The following SEPTIN3 variants were observed in gnomAD, a reference collection of about 807,000 sequenced individuals.
SEPTIN3 encodes the protein septin 3, also known as neuronal-specific septin-3.
A neutral mutation model predicts 45.1 loss-of-function variants in SEPTIN3; 15 were observed. That is an observed-to-expected ratio of 0.33 (90% CI 0.22 to 0.51). SEPTIN3 has a LOEUF of 0.51. Ranked by LOEUF, SEPTIN3 falls within the 20% of genes least tolerant of loss-of-function variation. The pLI is 0.97. For missense variants in SEPTIN3, 289 were observed against 457.2 expected (o/e 0.63, Z 3.35); for synonymous variants, 148 against 164.8 (o/e 0.90, Z 0.78).
chr22:41,981,408 C>T (rs764414341), intron 2 of SEPTIN3: 6 of 465,234 alleles, frequency 1.3e-5, no homozygotes, highest in African/African-American at 1.9e-5. Flanking sequence ...AACCAGAGAA[C>T]CTGGCACTGG....
rs2077973980 is a variant in SEPTIN3 at position 41,972,974 on chromosome 22, G to A, written c.1482G>A (p.Leu494=). ...ACAGAGCCACAGAGCCTGCCTCACT[G>A]GACCTGGCCACAGAATACAAAGGTA... The part of the protein sequence containing the change: ...AMDRATEPAS[L]DLATEYKGLP... Residue 494 remains leucine (L), a synonymous_variant, in exon 2 of 12, where the codon CTG becomes CTA. Transcript: ENST00000644076. 2 of 398,954 alleles carry A rather than the reference G, an allele frequency of 5.0e-6. No homozygotes were observed. Among genetic ancestry groups the A allele is most frequent in the Non-Finnish European group, 4.4e-6 (1 of 226,166 alleles). 24.7% of individuals were successfully genotyped at this position (398,954 alleles called of 1,614,324 possible). A position where few individuals can be genotyped will look rare whatever the true frequency, so the allele number is the denominator to read the frequency against.
chr22:41,993,522 A>G (rs1158738568), intron 9 of SEPTIN3, among the ~76,000 whole-genome samples: 1 of 151,984 alleles, frequency 6.6e-6, no homozygotes, highest in African/African-American at 2.4e-5. Flanking sequence ...AGCCCAGCTA[A>G]TTTTTGTATT....
chr22:41,993,556 A>G (rs1909396964), intron 9 of SEPTIN3, among the ~76,000 whole-genome samples: 1 of 152,112 alleles, frequency 6.6e-6, no homozygotes, highest in Non-Finnish European at 1.5e-5. Context: ...GAGTTTTGTC[A>G]TGTTGGTCAG....
chr22:41,988,512 A>T (rs1265389765), intron 6 of SEPTIN3, among the ~76,000 whole-genome samples: 4 of 152,072 alleles, frequency 2.6e-5, no homozygotes, highest in African/African-American at 7.2e-5. Flanking sequence ...TAAGCCCCAA[A>T]TTTTCTAGGA....
chr22:41,970,050 T>C (rs1194304594), intron 1 of SEPTIN3, among the ~76,000 whole-genome samples: 4 of 151,870 alleles, frequency 2.6e-5, no homozygotes, highest in Non-Finnish European at 5.9e-5. Context: ...TGAGGGGTGA[T>C]GCCTTCCCTG....
rs2078026424 is a variant in SEPTIN3 at position 41,976,703 on chromosome 22, G to T, written c.1504+3707G>T. 1 of 152,770 alleles carries T rather than the reference G, an allele frequency of 6.5e-6. No individual in the cohort carries two copies. The highest frequency in any genetic ancestry group is 1.8e-4 in the South Asian group (1 of 5,546). 9.5% of individuals were successfully genotyped at this position (152,770 alleles called of 1,614,324 possible). On this transcript the variant is annotated intron_variant, in intron 2 of 11. Coordinates refer to ENST00000644076, the MANE Select transcript of SEPTIN3 (RefSeq NM_001363845.2). The surrounding 1 kb of genome is among the most constrained non-coding windows in gnomAD (Gnocchi z 5.8). ...TGGACCGCCCGCAGCGTGGACCCGG[G>T]ACCAGTTCCCGCTTGCGGGCGCGGG...
chr22:41,994,402 A>C lies in SEPTIN3; in HGVS notation c.2411+61A>C. Reference sequence around the variant, plus strand: ...GTTGAATTATTTGGGGTCAGGGTCTATCTGTTCAGATTCACCTCCTGCATC... The same window carrying C: ...GTTGAATTATTTGGGGTCAGGGTCTCTCTGTTCAGATTCACCTCCTGCATC... On this transcript the variant is annotated intron_variant, in intron 10 of 11. Coordinates refer to ENST00000644076, the MANE Select transcript of SEPTIN3 (RefSeq NM_001363845.2). The surrounding 1 kb of genome is among the most constrained non-coding windows in gnomAD (Gnocchi z 4.2). 2 of 1,572,934 alleles carry C rather than the reference A, an allele frequency of 1.3e-6. No individual in the cohort carries two copies. Among genetic ancestry groups the C allele is most frequent in the Non-Finnish European group, 1.7e-6 (2 of 1,143,840 alleles).
chr22:41,969,722 G>A (rs1458235649), intron 1 of SEPTIN3, 45 bp downstream of exon 1: 1 of 147,608 alleles, frequency 6.8e-6, no homozygotes, highest in Non-Finnish European at 1.5e-5. Context: ...TTGTGGGGGT[G>A]GGAGGGTGGT....
At chr22:41,977,085 C>G (rs370813666) in intron 2 of SEPTIN3, 4 of 1,596,380 alleles carry the variant, frequency 2.5e-6, no homozygotes, top group African/African-American at 1.4e-5. Flanking sequence ...GTAGGGCGGC[C>G]GGCCAGGCCA....
chr22:41,991,725 G>A (rs1035991238), intron 8 of SEPTIN3, 57 bp downstream of exon 8: 3 of 1,149,502 alleles, frequency 2.6e-6, no homozygotes, highest in African/African-American at 3.0e-5. Context: ...TCTGGGATGT[G>A]TATTGTGCAC....
Position 41,995,456 on chromosome 22 carries a change from G to A in SEPTIN3, c.2505+742G>A, listed in dbSNP as rs943925479. 14 of 985,432 alleles carry A rather than the reference G, an allele frequency of 1.4e-5. No homozygotes were observed. The South Asian group carries it at 5.6e-4, about 40-fold the overall frequency. 61.0% of individuals were successfully genotyped at this position (985,432 alleles called of 1,614,324 possible). Reference sequence around the variant, plus strand: ...GCTGCTCTCCACTCAACTGGCCTCTGCTGCCAGGCCACTGCCTGTCTCTGC... The same window carrying A: ...GCTGCTCTCCACTCAACTGGCCTCTACTGCCAGGCCACTGCCTGTCTCTGC... On this transcript the variant is annotated intron_variant, in intron 11 of 11. Coordinates refer to ENST00000644076, the MANE Select transcript of SEPTIN3 (RefSeq NM_001363845.2).
chr22:41,977,165 C>A, intron 2 of SEPTIN3: 1 of 1,351,850 alleles, frequency 7.4e-7, no homozygotes, highest in Non-Finnish European at 1.0e-6. Context: ...GGAGGGTTTC[C>A]GCGCCGAGGA....
rs2077970524 is a variant in SEPTIN3 at position 41,972,553 on chromosome 22, C to T, written c.1061C>T (p.Ala354Val). The T allele has an allele frequency of 2.5e-6, 1 of 399,014 alleles. No individual in the cohort carries two copies. Among genetic ancestry groups the T allele is most frequent in the Non-Finnish European group, 4.4e-6 (1 of 226,148 alleles). 24.7% of individuals were successfully genotyped at this position (399,014 alleles called of 1,614,324 possible). A position where few individuals can be genotyped will look rare whatever the true frequency, so the allele number is the denominator to read the frequency against. The stretch of plus-strand genomic sequence containing the variant: ...CCAGGGATGGTCATGGATTTGATAG[C>T]CTCAGAACCAGACAAGCTGGGCAAA... Reference protein sequence around the residue: ...TKPGMVMDLIASEPDKLGKAM... With the variant: ...TKPGMVMDLIVSEPDKLGKAM... Residue 354 changes from alanine to valine, a missense_variant, in exon 2 of 12, where the codon GCC becomes GTC. Ala to Val is a moderately conservative substitution (Grantham distance 64). Coordinates refer to ENST00000644076, the MANE Select transcript of SEPTIN3 (RefSeq NM_001363845.2).
At chr22:41,987,363 C>T (rs1000462505) in intron 5 of SEPTIN3, 76 bp downstream of exon 5, 12 of 1,363,428 alleles carry the variant, frequency 8.8e-6, no homozygotes, top group Middle Eastern at 1.8e-4. Flanking sequence ...GATTCATTCA[C>T]GTTGAGAACC....
At chr22:41,974,035 A>C (rs926444686) in intron 2 of SEPTIN3, among the ~76,000 whole-genome samples, 1 of 151,248 alleles carries the variant, frequency 6.6e-6, no homozygotes, top group Admixed American at 6.6e-5. Context: ...GGTGGCATGC[A>C]TCTGTGGTCC....
chr22:41,996,014 C>A, intron 11 of SEPTIN3: 11 of 985,342 alleles, frequency 1.1e-5, no homozygotes, highest in Non-Finnish European at 1.2e-5. Context: ...CCCTTCTAAG[C>A]AGGCTTCTCT....
intron 9 of SEPTIN3, among the ~76,000 whole-genome samples, chr22:41,993,454 A>G (rs1181320485): frequency 5.3e-5 from 8 of 151,960 alleles, no homozygotes; most frequent in Admixed American, 3.3e-4. Flanking sequence ...TCTCCCAAGT[A>G]TCTGGGACTA....
chr22:41,978,460 C>A (rs2078065843), intron 2 of SEPTIN3, among the ~76,000 whole-genome samples: 1 of 152,206 alleles, frequency 6.6e-6, no homozygotes, highest in South Asian at 2.1e-4. Flanking sequence ...CCCCAGTTGT[C>A]TGAGCAGAAA....
At position 41,994,253 on chromosome 22, in the gene SEPTIN3, T is replaced by G. The variant is rs1204876534; in HGVS notation, c.2360-37T>G. 1 of 1,608,304 alleles carries G rather than the reference T, an allele frequency of 6.2e-7. No homozygotes were observed. The highest frequency in any genetic ancestry group is 1.3e-5 in the African/African-American group (1 of 74,850). On this transcript the variant is annotated intron_variant, in intron 9 of 11. Transcript: ENST00000644076. This position sits in a 1 kb window ranked among gnomAD's most constrained non-coding sequence, Gnocchi z 4.2. ...CCTGGGTGTTGCTGTATTAATGAAC[T>G]GACTACCTGTTTTGCTTTGTTTTGT...
Sources: allele counts gnomAD v4.1 joint callset (sites outside exome capture counted in the v4.1 genomes callset), GRCh38; gene constraint gnomAD v4.1.1; non-coding constraint Gnocchi (gnomAD v3.1); transcripts MANE v1.5; gene names NCBI Gene and HGNC (gene_info 2026-07-23, HGNC 2026-07-21).